CFH: variants seen among roughly 807,000 people sequenced by gnomAD.
CFH encodes complement factor H.
CFH carries 53 observed loss-of-function variants against 147.3 expected under a neutral mutation model. That is an observed-to-expected ratio of 0.36 (90% CI 0.29 to 0.45). The LOEUF (loss-of-function observed/expected upper bound fraction) is 0.45, where lower values mean the gene tolerates loss of function less well. Ranked by LOEUF, CFH falls within the 20% of genes least tolerant of loss-of-function variation. CFH has a pLI of 1.00. For missense variants in CFH, 1,380 were observed against 1,498.0 expected, an observed-to-expected ratio of 0.92 and a Z score of 1.30; for synonymous variants, 536 against 489.4, an observed-to-expected ratio of 1.10 and a Z score of -1.26.
At chr1:196,742,218 T>C (rs200292510) in intron 19 of CFH, among the ~76,000 whole-genome samples, 167 bp downstream of exon 19, 6 of 151,368 alleles carry the variant, frequency 4.0e-5, no homozygotes, top group Non-Finnish European at 8.8e-5. Flanking sequence ...CTACTAAAAA[T>C]ACAAAAAAAT....
chr1:196,692,746 TTTTCTTTCTTTC>T (rs765086697), intron 9 of CFH, among the ~76,000 whole-genome samples: 3,274 of 41,528 alleles, frequency 0.079, 189 homozygotes, highest in Middle Eastern at 0.1. Context: ...CTTCCTTTCT[TTTTCTTTCTTTC>T]TTTCTTTCTT....
chr1:196,685,312 A>C, intron 7 of CFH, 75 bp downstream of exon 7: 1 of 1,392,668 alleles, frequency 7.2e-7, no homozygotes, highest in Non-Finnish European at 1.0e-6. Context: ...TAGGGACTCA[A>C]TAAAACCAAA....
At chr1:196,695,842 A>G (rs1668244506) in intron 9 of CFH, among the ~76,000 whole-genome samples, 1 of 152,086 alleles carries the variant, frequency 6.6e-6, no homozygotes, top group African/African-American at 2.4e-5. Flanking sequence ...TGATTTTTGC[A>G]TATTGATTTT....
chr1:196,712,328 C>T (rs1292620116), intron 9 of CFH, among the ~76,000 whole-genome samples: 1 of 151,638 alleles, frequency 6.6e-6, no homozygotes, highest in Non-Finnish European at 1.5e-5. Context: ...AATTTATACT[C>T]ATGCTGGATT....
At chr1:196,660,461 C>A (rs1666860873) in intron 1 of CFH, among the ~76,000 whole-genome samples, 1 of 152,124 alleles carries the variant, frequency 6.6e-6, no homozygotes, top group South Asian at 2.1e-4. Context: ...TTGCAAGAAT[C>A]ACTTGTCACT....
intron 9 of CFH, among the ~76,000 whole-genome samples, chr1:196,704,045 T>C (rs1165303074): frequency 6.7e-6 from 1 of 149,992 alleles, no homozygotes; most frequent in Non-Finnish European, 1.5e-5. Flanking sequence ...TCCTATCCCT[T>C]TGTTGGGGAA....
chr1:196,658,106 A>G lies in CFH; in HGVS notation c.58+5931A>G, dbSNP rs1269907803. Among the ~76,000 whole-genome samples the G allele has an allele frequency of 2.6e-5, 4 of 152,148 alleles. No individual in the cohort carries two copies. The East Asian group carries it at 7.7e-4, about 29-fold the overall frequency. On this transcript the variant is annotated intron_variant, in intron 1 of 21. Transcript: ENST00000367429. ...GTAAATTAAGATTATTAAAATATTAAGTAATATTGATTTTTAGCTTTGACC... is the reference window on the plus strand; with the variant it reads ...GTAAATTAAGATTATTAAAATATTAGGTAATATTGATTTTTAGCTTTGACC...
chr1:196,701,281 A>G, intron 9 of CFH: 1 of 1,613,680 alleles, frequency 6.2e-7, no homozygotes, highest in Non-Finnish European at 8.5e-7. Context: ...CAGCAAGCCT[A>G]ACTCAGGGTA....
intron 5 of CFH, 52 bp downstream of exon 5, chr1:196,677,719 C>T (rs764086003): frequency 2.0e-5 from 29 of 1,479,714 alleles, no homozygotes; most frequent in Non-Finnish European, 1.0e-5. Context: ...TGTAAATATA[C>T]ATTTAAAACA....
intron 3 of CFH, 90 bp from the exon 4 acceptor site, chr1:196,675,899 T>C: frequency 3.8e-6 from 3 of 792,734 alleles, no homozygotes; most frequent in Non-Finnish European, 4.4e-6. Context: ...TTCCTTAATA[T>C]GGAGTTTCTG....
At chr1:196,673,745 T>C in intron 2 of CFH, 112 bp from the exon 3 acceptor site, 1 of 755,640 alleles carries the variant, frequency 1.3e-6, no homozygotes, top group Non-Finnish European at 2.4e-6. Flanking sequence ...TAATTTTCCT[T>C]ACATTCAATC....
chr1:196,677,495 G>A lies in CFH; in HGVS notation c.447G>A (p.Val149=). ...CTTCAGTTGTGAAGTGTTTACCAGT[G>A]ACAGCACCAGAGAATGGAAAAATTG... ...PICEVVKCLP[V]TAPENGKIVS... Residue 149 remains valine, a synonymous_variant, in exon 5 of 22, where the codon GTG becomes GTA. Coordinates refer to ENST00000367429, the MANE Select transcript of CFH (RefSeq NM_000186.4). The A allele has an allele frequency of 6.2e-7, 1 of 1,612,946 alleles. No homozygotes were observed. The highest frequency in any genetic ancestry group is 1.7e-4 in the Middle Eastern group (1 of 6,054).
intron 1 of CFH, among the ~76,000 whole-genome samples, chr1:196,668,362 G>A (rs1037796307): frequency 6.6e-6 from 1 of 151,994 alleles, no homozygotes; most frequent in African/African-American, 2.4e-5. Context: ...TTAATTTTCA[G>A]CACTTTAGTA....
chr1:196,747,045 A>C (rs1653034257), intron 21 of CFH, 66 bp from the exon 22 acceptor site: 2 of 1,603,208 alleles, frequency 1.2e-6, no homozygotes, highest in South Asian at 1.1e-5. Flanking sequence ...TCTACTTGAA[A>C]ACCTGAAAGT....
intron 7 of CFH, among the ~76,000 whole-genome samples, chr1:196,686,813 C>T (rs1487338107): frequency 6.6e-6 from 1 of 152,102 alleles, no homozygotes; most frequent in Non-Finnish European, 1.5e-5. Context: ...AATGAACCAT[C>T]TGGAGTTCTC....
At chr1:196,722,856 G>T (rs1450682519) in intron 11 of CFH, among the ~76,000 whole-genome samples, 1 of 152,000 alleles carries the variant, frequency 6.6e-6, no homozygotes. Flanking sequence ...TTTTCTGCTT[G>T]ATGTAATCTG....
intron 1 of CFH, among the ~76,000 whole-genome samples, chr1:196,669,025 G>A (rs1306565626): frequency 6.6e-6 from 1 of 152,160 alleles, no homozygotes; most frequent in Non-Finnish European, 1.5e-5. Context: ...CCAAAATGCT[G>A]ATAGTGATCT....
At chr1:196,695,642 G>A (rs1668233864) in intron 9 of CFH, among the ~76,000 whole-genome samples, 1 of 152,088 alleles carries the variant, frequency 6.6e-6, no homozygotes, top group Admixed American at 6.6e-5. Context: ...CCATGAGGAT[G>A]GAATATTTTT....
chr1:196,694,372 T>C (rs779984290), intron 9 of CFH, among the ~76,000 whole-genome samples: 6 of 152,238 alleles, frequency 3.9e-5, no homozygotes, highest in Non-Finnish European at 8.8e-5. Context: ...CCATGGTGTA[T>C]ATGTGCCACA....
Sources: allele counts gnomAD v4.1 joint callset (sites outside exome capture counted in the v4.1 genomes callset), GRCh38; gene constraint gnomAD v4.1.1; transcripts MANE v1.5; gene names NCBI Gene and HGNC (gene_info 2026-07-23, HGNC 2026-07-21).